The following GTSE1 variants were observed in gnomAD, a reference collection of about 807,000 sequenced individuals.
GTSE1 encodes the protein G2 and S phase-expressed protein 1.
Under a neutral mutation model 60.5 loss-of-function variants are expected in GTSE1, and 52 were observed. The observed-to-expected ratio is 0.86, with a 90% confidence interval of 0.69 to 1.08. GTSE1 has a LOEUF of 1.08. Ranked by LOEUF, GTSE1 falls within the 50% of genes least tolerant of loss-of-function variation. The probability of loss-of-function intolerance (pLI) is 0.00; values close to 1 mark genes in which losing one functional copy is unlikely to be tolerated. For synonymous variants in GTSE1, 368 were observed against 386.5 expected (o/e 0.95, Z 0.56); for missense variants, 937 against 961.8 (o/e 0.97, Z 0.34).
chr22:46,303,291 G>A (rs9615344), intron 2 of GTSE1, among the ~76,000 whole-genome samples: 2,505 of 152,192 alleles, frequency 0.016, 48 homozygotes, highest in Middle Eastern at 0.027. Flanking sequence ...TTTGTTTATC[G>A]TTATTTTGCA....
At chr22:46,302,006 T>C (rs115191637) in intron 2 of GTSE1, among the ~76,000 whole-genome samples, 7,422 of 152,134 alleles carry the variant, frequency 0.049, 297 homozygotes, top group African/African-American at 0.11. Context: ...TTCATACTGA[T>C]CCCAGCTACT....
chr22:46,299,908 T>C (rs2147810773), intron 2 of GTSE1, among the ~76,000 whole-genome samples: 1 of 150,126 alleles, frequency 6.7e-6, no homozygotes, highest in African/African-American at 2.4e-5. Flanking sequence ...TTCTCCTGCC[T>C]CAGCCTCCTG....
intron 3 of GTSE1, 51 bp from the exon 4 acceptor site, chr22:46,308,268 T>C (rs757363268): frequency 1.9e-5 from 30 of 1,607,064 alleles, no homozygotes; most frequent in Non-Finnish European, 2.0e-5. Context: ...AAGTCTTTCC[T>C]TTAAATGCCA....
chr22:46,300,459 C>A (rs1040718344), intron 2 of GTSE1, among the ~76,000 whole-genome samples: 1 of 152,210 alleles, frequency 6.6e-6, no homozygotes, highest in Non-Finnish European at 1.5e-5. Context: ...ATAAAAGCTC[C>A]TTGCCATGGC....
In GTSE1 at chr22:46,329,184, C is replaced by G. The variant is rs2077861680; in HGVS notation, c.1927-174C>G. 1 of 678,316 alleles carries G rather than the reference C, an allele frequency of 1.5e-6. No individual in the cohort carries two copies. The highest frequency in any genetic ancestry group is 2.6e-6 in the Non-Finnish European group (1 of 381,924). 42.0% of individuals were successfully genotyped at this position (678,316 alleles called of 1,614,324 possible). ...CGGGTATGGACAGGGAGGTGGGCAA[C>G]AGTCAGAGAGGCACGGCCCACCCCA... On this transcript the variant is annotated intron_variant, in intron 10 of 11. Coordinates refer to ENST00000454366, the MANE Select transcript of GTSE1 (RefSeq NM_016426.7). The surrounding 1 kb of genome is among the most constrained non-coding windows in gnomAD (Gnocchi z 6.4).
chr22:46,329,776 T>C lies in GTSE1; in HGVS notation c.2136+209T>C, dbSNP rs1365511487. On this transcript the variant is annotated intron_variant, in intron 11 of 11. Coordinates refer to ENST00000454366, the MANE Select transcript of GTSE1 (RefSeq NM_016426.7). The surrounding 1 kb of genome is among the most constrained non-coding windows in gnomAD (Gnocchi z 6.4). ...TGCCCTGCCAGGACCCTGCCAGCTC[T>C]TGTTGGACAGGGACCGCCTCTCTCC... 6.6e-6 allele frequency among the ~76,000 whole-genome samples: 1 copy of C among 152,146 alleles called. No individual in the cohort carries two copies. Among genetic ancestry groups the C allele is most frequent in the Non-Finnish European group, 1.5e-5 (1 of 68,014 alleles).
In GTSE1 at chr22:46,308,346, C is replaced by T. The variant is rs6008598; in HGVS notation, c.165C>T (p.Phe55=). ...CAAATGAAGATGATGAAGTCTTCTT[C>T]GGACCCTTTGGACATAAAGAAAGAT... The part of the protein sequence containing the change: ...SSANEDDEVF[F]GPFGHKERCI... Residue 55 remains phenylalanine, a synonymous_variant, in exon 4 of 12, where the codon TTC becomes TTT. Coordinates refer to ENST00000454366, the MANE Select transcript of GTSE1 (RefSeq NM_016426.7). The T allele has an allele frequency of 0.11, 179,301 of 1,613,112 alleles. 12,677 individuals are homozygous for T. The highest frequency in any genetic ancestry group is 0.34 in the African/African-American group (25,515 of 74,914).
chr22:46,308,292 T>C (rs1273115426), intron 3 of GTSE1, 27 bp from the exon 4 acceptor site: 3 of 1,610,060 alleles, frequency 1.9e-6, no homozygotes, highest in East Asian at 4.5e-5. Context: ...TTATGAGTTA[T>C]TAATCATTCT....
In GTSE1 at chr22:46,314,898, T is replaced by A. The variant is rs1180412097; in HGVS notation, c.1051+885T>A. 6.6e-6 allele frequency among the ~76,000 whole-genome samples: 1 copy of A among 151,914 alleles called. No individual in the cohort carries two copies. Among genetic ancestry groups the A allele is most frequent in the Non-Finnish European group, 1.5e-5 (1 of 67,988 alleles). On this transcript the variant is annotated intron_variant, in intron 6 of 11. Transcript: ENST00000454366. This position sits in a 1 kb window ranked among gnomAD's most constrained non-coding sequence, Gnocchi z 7.1. ...AGTGTGAACTCTCTAATCAGATTGATCTGATCTGGAATTCTGACTCTGCCA... is the reference window on the plus strand; with the variant it reads ...AGTGTGAACTCTCTAATCAGATTGAACTGATCTGGAATTCTGACTCTGCCA...
chr22:46,297,130 C>A lies in GTSE1; in HGVS notation c.-22+199C>A, dbSNP rs1340933764. On this transcript the variant is annotated intron_variant, in intron 1 of 11. Transcript: ENST00000454366. This position sits in a 1 kb window ranked among gnomAD's most constrained non-coding sequence, Gnocchi z 4.9. ...CTGCCCCCCAGGCAAACAGAGCCCCCAACACTCTGGCCCAGAAGCCGAGAA... is the reference window on the plus strand; with the variant it reads ...CTGCCCCCCAGGCAAACAGAGCCCCAAACACTCTGGCCCAGAAGCCGAGAA... Among the ~76,000 whole-genome samples the A allele has an allele frequency of 2.0e-5, 3 of 152,218 alleles. No homozygotes were observed. In the East Asian group the frequency reaches 5.8e-4, roughly 29 times the overall value.
At position 46,330,038 on chromosome 22, in the gene GTSE1, C is replaced by G. The variant is rs1163211680; in HGVS notation, c.2137-9C>G. ...CCACGCTCACCTCCTCCACTCTGCT[C>G]TCTTCCAGCTCATAGACCTGAGCTC... On this transcript the variant is annotated splice_polypyrimidine_tract_variant and intron_variant, in intron 11 of 11. Transcript: ENST00000454366. This position sits in a 1 kb window ranked among gnomAD's most constrained non-coding sequence, Gnocchi z 6.0. The G allele has an allele frequency of 5.1e-6, 8 of 1,583,426 alleles. No individual in the cohort carries two copies. The highest frequency in any genetic ancestry group is 1.7e-5 in the Admixed American group (1 of 59,988).
intron 9 of GTSE1, among the ~76,000 whole-genome samples, 188 bp from the exon 10 acceptor site, chr22:46,328,500 A>C (rs1721941431): frequency 6.6e-6 from 1 of 152,156 alleles, no homozygotes; most frequent in Admixed American, 6.5e-5. Flanking sequence ...TTGTGAGCTG[A>C]GAGGAACTGG....
rs971332037 is a variant in GTSE1, at chr22:46,297,231, G to A, written c.-21-149G>A. 9.8e-6 allele frequency: 6 copies of A among 614,364 alleles called. No individual in the cohort carries two copies. The highest frequency in any genetic ancestry group is 1.7e-5 in the Non-Finnish European group (6 of 345,830). 38.1% of individuals were successfully genotyped at this position (614,364 alleles called of 1,614,324 possible). A position where few individuals can be genotyped will look rare whatever the true frequency, so the allele number is the denominator to read the frequency against. On this transcript the variant is annotated intron_variant, in intron 1 of 11. Coordinates refer to ENST00000454366, the MANE Select transcript of GTSE1 (RefSeq NM_016426.7). The surrounding 1 kb of genome is among the most constrained non-coding windows in gnomAD (Gnocchi z 4.9). ...CTCGGGCCCTGGGGTCCCCTGGGAT[G>A]CGATCATTTCAGAGCGGCCCCCGCG...
At chr22:46,301,256 G>A (rs1432516134) in intron 2 of GTSE1, among the ~76,000 whole-genome samples, 6 of 152,212 alleles carry the variant, frequency 3.9e-5, no homozygotes, top group African/African-American at 1.4e-4. Flanking sequence ...ACACCTGTGA[G>A]TGTCTGTAGG....
chr22:46,304,595 C>A lies in GTSE1; in HGVS notation c.80-3555C>A, dbSNP rs530801612. ...TAGATTGTATGAAATGAAACCATCT[C>A]ACAGTCATGAAATGCAGGGAGCTTG... On this transcript the variant is annotated intron_variant, in intron 2 of 11. Coordinates refer to ENST00000454366, the MANE Select transcript of GTSE1 (RefSeq NM_016426.7). The surrounding 1 kb of genome is among the most constrained non-coding windows in gnomAD (Gnocchi z 4.4). Among the ~76,000 whole-genome samples the A allele has an allele frequency of 4.5e-4, 68 of 152,294 alleles. No homozygotes were observed. The East Asian group carries it at 0.01, about 23-fold the overall frequency.
At position 46,318,148 on chromosome 22, in the gene GTSE1, G is replaced by A. The variant is rs928709653; in HGVS notation, c.1432+1736G>A. Reference sequence around the variant, plus strand: ...AGCAGGTGTCTGGCCATTAGTGGGTGGGTGTTTGTAAAGTTTTCATGAATT... The same window carrying A: ...AGCAGGTGTCTGGCCATTAGTGGGTAGGTGTTTGTAAAGTTTTCATGAATT... On this transcript the variant is annotated intron_variant, in intron 7 of 11. Coordinates refer to ENST00000454366, the MANE Select transcript of GTSE1 (RefSeq NM_016426.7). This position sits in a 1 kb window ranked among gnomAD's most constrained non-coding sequence, Gnocchi z 4.8. Among the ~76,000 whole-genome samples, 4 of 152,232 alleles carry A rather than the reference G, an allele frequency of 2.6e-5. No homozygotes were observed. Among genetic ancestry groups the A allele is most frequent in the African/African-American group, 9.6e-5 (4 of 41,464 alleles).
In GTSE1 at chr22:46,324,890, C is replaced by G. The variant is rs2077835088; in HGVS notation, c.1506-1546C>G. Among the ~76,000 whole-genome samples the G allele has an allele frequency of 6.6e-6, 1 of 152,202 alleles. No individual in the cohort carries two copies. On this transcript the variant is annotated intron_variant, in intron 8 of 11. Transcript: ENST00000454366. This position sits in a 1 kb window ranked among gnomAD's most constrained non-coding sequence, Gnocchi z 5.2. Reference sequence around the variant, plus strand: ...TTCAGGCTCCTTTTGAAGAACGTAACAATTGCCCAGAATAGAGCAATAGAC... The same window carrying G: ...TTCAGGCTCCTTTTGAAGAACGTAAGAATTGCCCAGAATAGAGCAATAGAC...
At position 46,297,994 on chromosome 22, in the gene GTSE1, G is replaced by C. The variant is rs1042727702; in HGVS notation, c.79+515G>C. 6.6e-6 allele frequency among the ~76,000 whole-genome samples: 1 copy of C among 151,928 alleles called. No individual in the cohort carries two copies. The highest frequency in any genetic ancestry group is 1.5e-5 in the Non-Finnish European group (1 of 67,976). ...TTTATTTATTTATTGACGGAGTCTC[G>C]CTCTCTCACCCAGGCTGGAGTGCAA... is the stretch of plus-strand genomic sequence containing the variant. On this transcript the variant is annotated intron_variant, in intron 2 of 11. Transcript: ENST00000454366. This position sits in a 1 kb window ranked among gnomAD's most constrained non-coding sequence, Gnocchi z 4.9.
intron 2 of GTSE1, among the ~76,000 whole-genome samples, chr22:46,301,878 CA>C (rs1234972163): frequency 6.6e-6 from 1 of 152,146 alleles, no homozygotes; most frequent in African/African-American, 2.4e-5. Flanking sequence ...CCTGTCATCC[CA>C]ACACTTTGGG....
Sources: gnomAD v4.1 joint callset for allele counts (sites outside exome capture counted in the v4.1 genomes callset) on GRCh38, gnomAD v4.1.1 for gene constraint, Gnocchi (gnomAD v3.1) non-coding constraint, MANE v1.5 for transcripts, NCBI Gene and HGNC (gene_info 2026-07-23, HGNC 2026-07-21) for gene names.